MGAT4C: variants seen among roughly 807,000 people sequenced by gnomAD.
MGAT4C encodes the protein MGAT4 family member C, also known as alpha-1,3-mannosyl-glycoprotein 4-beta-N-acetylglucosaminyltransferase C.
Under a neutral mutation model 40.1 loss-of-function variants are expected in MGAT4C, and 19 were observed. The ratio of observed to expected loss-of-function variants is 0.47; its 90% confidence interval spans 0.33 to 0.70. The LOEUF is 0.70. MGAT4C is among the 30% of genes least tolerant of loss of function. MGAT4C has a pLI of 0.02. For missense variants in MGAT4C, 491 were observed against 563.2 expected (o/e 0.87, Z 1.30); for synonymous variants, 181 against 187.1 (o/e 0.97, Z 0.27).
At chr12:86,505,155 C>G (rs1318352909) in intron 2 of MGAT4C, among the ~76,000 whole-genome samples, 1 of 151,964 alleles carries the variant, frequency 6.6e-6, no homozygotes, top group Admixed American at 6.6e-5. Flanking sequence ...GAATCTAATT[C>G]TGAACCTTTC....
intron 2 of MGAT4C, among the ~76,000 whole-genome samples, chr12:86,633,151 C>T (rs1318632089): frequency 6.6e-6 from 1 of 151,360 alleles, no homozygotes; most frequent in Non-Finnish European, 1.5e-5. Context: ...TTAAAATAAC[C>T]GATTATTGCA....
chr12:86,709,719 A>G (rs1565941032), intron 2 of MGAT4C, among the ~76,000 whole-genome samples: 2 of 152,100 alleles, frequency 1.3e-5, no homozygotes, highest in South Asian at 4.1e-4. Context: ...CTGCCTGAAC[A>G]TTTTAAAATA....
chr12:86,217,733 T>C (rs997572726), intron 1 of MGAT4C, among the ~76,000 whole-genome samples: 1 of 152,214 alleles, frequency 6.6e-6, no homozygotes, highest in Non-Finnish European at 1.5e-5. Flanking sequence ...GTAAGGAAGG[T>C]AAAATGTGCT....
At chr12:86,660,159 T>C (rs1338404796) in intron 2 of MGAT4C, among the ~76,000 whole-genome samples, 3 of 152,100 alleles carry the variant, frequency 2.0e-5, no homozygotes. Context: ...GAGACCTTGA[T>C]GATCATTCCA....
At chr12:86,135,136 G>T (rs1881763931) in intron 1 of MGAT4C, among the ~76,000 whole-genome samples, 1 of 152,050 alleles carries the variant, frequency 6.6e-6, no homozygotes, top group Non-Finnish European at 1.5e-5. Flanking sequence ...GTAGTTAAAA[G>T]AATCATAAAT....
intron 4 of MGAT4C, among the ~76,000 whole-genome samples, chr12:86,279,833 G>T (rs1422555304): frequency 1.3e-5 from 2 of 151,672 alleles, no homozygotes; most frequent in African/African-American, 2.4e-5. Context: ...TTGGTAAGTT[G>T]TGTTCCCATT....
chr12:86,242,623 G>A (rs991187123), intron 1 of MGAT4C, among the ~76,000 whole-genome samples: 1 of 151,956 alleles, frequency 6.6e-6, no homozygotes, highest in Non-Finnish European at 1.5e-5. Flanking sequence ...TTGATTGTCC[G>A]GGGAAGTACT....
At chr12:86,040,806 G>A (rs1012451342) in intron 2 of MGAT4C, among the ~76,000 whole-genome samples, 3 of 152,172 alleles carry the variant, frequency 2.0e-5, no homozygotes, top group African/African-American at 4.8e-5. Context: ...GCTGTAATCC[G>A]AGGATCCTGG....
At chr12:85,999,930 C>T (rs1286195245) in intron 2 of MGAT4C, among the ~76,000 whole-genome samples, 1 of 152,066 alleles carries the variant, frequency 6.6e-6, no homozygotes, top group Non-Finnish European at 1.5e-5. Flanking sequence ...AGTATAAGTT[C>T]TTGCAGTCTA....
intron 1 of MGAT4C, among the ~76,000 whole-genome samples, chr12:86,089,916 A>G (rs1408457677): frequency 6.6e-6 from 1 of 151,694 alleles, no homozygotes; most frequent in African/African-American, 2.4e-5. Context: ...CCATATTTTA[A>G]AATGCACTAT....
chr12:86,520,927 T>A (rs780697354), intron 2 of MGAT4C, among the ~76,000 whole-genome samples: 1 of 152,174 alleles, frequency 6.6e-6, no homozygotes, highest in Admixed American at 6.5e-5. Context: ...AAATTGTTTT[T>A]TATCGAAATT....
At chr12:86,573,890 A>C (rs1348812888) in intron 2 of MGAT4C, among the ~76,000 whole-genome samples, 1 of 151,974 alleles carries the variant, frequency 6.6e-6, no homozygotes, top group Non-Finnish European at 1.5e-5. Context: ...ATTTCATAAG[A>C]TACATTTCCT....
chr12:86,524,723 A>G (rs887402648), intron 2 of MGAT4C, among the ~76,000 whole-genome samples: 13 of 152,110 alleles, frequency 8.5e-5, no homozygotes, highest in Admixed American at 6.6e-5. Flanking sequence ...TACATTTGGT[A>G]TCTTTATATA....
intron 1 of MGAT4C, among the ~76,000 whole-genome samples, chr12:86,768,364 A>C (rs1951556625): frequency 6.6e-6 from 1 of 152,178 alleles, no homozygotes; most frequent in African/African-American, 2.4e-5. Flanking sequence ...AATGAAATAA[A>C]AGAGGATACA....
At chr12:86,731,733 GA>G (rs139948088) in intron 1 of MGAT4C, among the ~76,000 whole-genome samples, 7 of 151,614 alleles carry the variant, frequency 4.6e-5, no homozygotes, top group Admixed American at 2.6e-4. Context: ...GTTCTTCTGG[GA>G]AAAAAAATGC....
At chr12:86,474,462 T>C (rs1957803228) in intron 2 of MGAT4C, among the ~76,000 whole-genome samples, 1 of 151,662 alleles carries the variant, frequency 6.6e-6, no homozygotes, top group African/African-American at 2.4e-5. Context: ...ATGGCACATG[T>C]ATACATATGT....
chr12:85,957,585 A>G lies in MGAT4C; in HGVS notation c.*21704T>C, dbSNP rs1882861904. ...TTATCCTACTATCCTCCTTCTAGCT[A>G]TGGCTGAAGATAGCTCTGTTATGTC... On this transcript the variant is annotated 3_prime_UTR_variant, in exon 5 of 5. Transcript: ENST00000611864. 1 of 147,738 alleles carries G rather than the reference A, an allele frequency of 6.8e-6. No individual in the cohort carries two copies. The highest frequency in any genetic ancestry group is 2.5e-5 in the African/African-American group (1 of 40,218). The allele number at this position is 147,738 out of a possible 1,614,324, so 9.2% of individuals were successfully genotyped here.
chr12:86,598,982 G>C (rs1010356916), intron 2 of MGAT4C, among the ~76,000 whole-genome samples: 8 of 152,142 alleles, frequency 5.3e-5, no homozygotes, highest in African/African-American at 1.9e-4. Context: ...GGGATTTATG[G>C]ATGGAGAAGA....
At chr12:86,318,210 A>AT (rs137906107) in intron 4 of MGAT4C, among the ~76,000 whole-genome samples, 12,936 of 152,080 alleles carry the variant, frequency 0.085, 766 homozygotes, top group Middle Eastern at 0.23. Context: ...TATTTTATGA[A>AT]TTTTTTTGTC....
Sources: gnomAD v4.1 joint callset for allele counts (sites outside exome capture counted in the v4.1 genomes callset) on GRCh38, gnomAD v4.1.1 for gene constraint, MANE v1.5 for transcripts, NCBI Gene and HGNC (gene_info 2026-07-23, HGNC 2026-07-21) for gene names.